ATP8A1: variants seen among roughly 807,000 people sequenced by gnomAD.
ATP8A1 encodes phospholipid-transporting ATPase IA.
A neutral mutation model predicts 177.7 loss-of-function variants in ATP8A1; 90 were observed. That is an observed-to-expected ratio of 0.51 (90% CI 0.43 to 0.60). The LOEUF (loss-of-function observed/expected upper bound fraction) is 0.60, where lower values mean the gene tolerates loss of function less well. ATP8A1 is among the 20% of genes least tolerant of loss of function. The pLI, the probability that ATP8A1 is intolerant of heterozygous loss-of-function variation, is 0.00. For missense variants in ATP8A1, 1,072 were observed against 1,392.8 expected, an observed-to-expected ratio of 0.77 and a Z score of 3.67; for synonymous variants, 493 against 485.9, an observed-to-expected ratio of 1.01 and a Z score of -0.19.
chr4:42,525,177 A>T (rs1234368296), intron 20 of ATP8A1, among the ~76,000 whole-genome samples: 6 of 152,168 alleles, frequency 3.9e-5, no homozygotes. Context: ...ATAGGTATTC[A>T]TAGGTGCTGC....
At chr4:42,621,633 G>C (rs1737471261) in intron 4 of ATP8A1, among the ~76,000 whole-genome samples, 1 of 152,182 alleles carries the variant, frequency 6.6e-6, no homozygotes, top group South Asian at 2.1e-4. Flanking sequence ...TGTAAAAATA[G>C]CCATACAGCT....
intron 30 of ATP8A1, among the ~76,000 whole-genome samples, chr4:42,449,718 T>A (rs1316404197): frequency 6.6e-6 from 1 of 152,176 alleles, no homozygotes; most frequent in East Asian, 1.9e-4. Context: ...TGTTCCCTAG[T>A]CTTGGCTAGT....
chr4:42,555,085 G>GTATCTATCTA (rs1347314877), intron 16 of ATP8A1, among the ~76,000 whole-genome samples: 11 of 119,474 alleles, frequency 9.2e-5, no homozygotes, highest in African/African-American at 2.9e-4. Flanking sequence ...CTTTGTGTGT[G>GTATCTATCTA]TATCTATCTA....
intron 33 of ATP8A1, among the ~76,000 whole-genome samples, chr4:42,433,717 T>C (rs997825272): frequency 2.0e-5 from 3 of 152,182 alleles, no homozygotes; most frequent in Non-Finnish European, 4.4e-5. Context: ...TATGTGCTTC[T>C]TTCCTTTGGA....
chr4:42,569,253 G>A, intron 14 of ATP8A1, 48 bp from the exon 15 acceptor site: 1 of 1,481,916 alleles, frequency 6.7e-7, no homozygotes. Context: ...AATAATCACA[G>A]AAAGGCTGGA....
At chr4:42,644,577 C>G (rs533985359) in intron 1 of ATP8A1, among the ~76,000 whole-genome samples, 6 of 151,984 alleles carry the variant, frequency 3.9e-5, no homozygotes, top group African/African-American at 1.5e-4. Context: ...ACAGCAATCA[C>G]GAATGCTGGA....
intron 30 of ATP8A1, among the ~76,000 whole-genome samples, chr4:42,450,653 T>C (rs1466943555): frequency 1.3e-5 from 2 of 152,160 alleles, no homozygotes; most frequent in Admixed American, 6.5e-5. Context: ...AAAAAGGAGA[T>C]TAAAATCTTA....
intron 1 of ATP8A1, among the ~76,000 whole-genome samples, chr4:42,651,143 C>T (rs1388778907): frequency 6.6e-6 from 1 of 152,082 alleles, no homozygotes; most frequent in Non-Finnish European, 1.5e-5. Context: ...CTGACTTGCT[C>T]CTCCTTGCCT....
chr4:42,551,025 T>C (rs1223655273), intron 18 of ATP8A1, among the ~76,000 whole-genome samples, 173 bp downstream of exon 18: 10 of 152,192 alleles, frequency 6.6e-5, no homozygotes, highest in Non-Finnish European at 2.9e-5. Context: ...CCTTTATTTT[T>C]TGAAAATATG....
At chr4:42,419,320 A>G (rs895636397) in intron 35 of ATP8A1, among the ~76,000 whole-genome samples, 12 of 152,192 alleles carry the variant, frequency 7.9e-5, no homozygotes, top group African/African-American at 2.7e-4. Context: ...TGCAGCTATG[A>G]CTAAGACATG....
At chr4:42,583,351 A>G (rs1440828520) in intron 9 of ATP8A1, among the ~76,000 whole-genome samples, 1 of 152,240 alleles carries the variant, frequency 6.6e-6, no homozygotes, top group Non-Finnish European at 1.5e-5. Context: ...CCTCTGGTAT[A>G]TATCTCAAGA....
chr4:42,605,752 A>G lies in ATP8A1; in HGVS notation c.410-5234T>C, dbSNP rs77657290. On this transcript the variant is annotated intron_variant, in intron 5 of 36. Coordinates refer to ENST00000381668, the MANE Select transcript of ATP8A1 (RefSeq NM_006095.2). ...TGCGAATCTTTGTCTCCAGCCAAAC[A>G]GTGCATTCTCCTCTCCACCCAAATG... 1.4e-3 allele frequency among the ~76,000 whole-genome samples: 207 copies of G among 152,336 alleles called. 5 individuals are homozygous for G. In the East Asian group the frequency reaches 0.039, roughly 29 times the overall value.
rs568011643 is a variant in ATP8A1 at position 42,433,271 on chromosome 4, G to A, written c.3124-9566C>T. Among the ~76,000 whole-genome samples the A allele has an allele frequency of 2.6e-3, 327 of 125,756 alleles. 1 individual carries two copies. In the South Asian group the frequency reaches 0.034, roughly 13 times the overall value. The allele number at this position is 125,756 out of a possible 152,430, so 82.5% of individuals were successfully genotyped here. ...CACTTTTCCAAACAACAGCTTGGGC[G>A]TCCAGCGCTCTCTTCTCTGTTAGTC... On this transcript the variant is annotated intron_variant, in intron 33 of 36. Transcript: ENST00000381668.
At position 42,552,543 on chromosome 4, in the gene ATP8A1, C is replaced by T. The variant is rs373156864; in HGVS notation, c.1481G>A (p.Arg494Gln). 1.5e-5 allele frequency: 24 copies of T among 1,613,126 alleles called. No homozygotes were observed. The highest frequency in any genetic ancestry group is 1.2e-4 in the Admixed American group (7 of 59,816). Residue 494 changes from arginine (R) to glutamine (Q), a missense_variant, in exon 17 of 37, where the codon CGA (arginine) becomes CAA (glutamine). Arg to Gln is a conservative substitution (Grantham distance 43). Around this residue, in one of 5 missense-constraint regions of ATP8A1, gnomAD observed 388 missense variants for 471.7 expected, o/e 0.82. Coordinates refer to ENST00000381668, the MANE Select transcript of ATP8A1 (RefSeq NM_006095.2). Reference sequence around the variant, plus strand: ...TTGATAAATAATCTTGTCACCTTCTCGCTCTGGCACTGCTGTGTGACAGAC... The same window carrying T: ...TTGATAAATAATCTTGTCACCTTCTTGCTCTGGCACTGCTGTGTGACAGAC... ...MAVCHTAVPE[R>Q]EGDKIIYQAA... is the part of the protein sequence containing the mutation.
At chr4:42,554,917 C>T (rs1392802578) in intron 16 of ATP8A1, among the ~76,000 whole-genome samples, 1 of 152,112 alleles carries the variant, frequency 6.6e-6, no homozygotes, top group East Asian at 1.9e-4. Context: ...ACTGGCTTAG[C>T]CTCCCAGCCT....
chr4:42,542,545 C>T (rs1272455815), intron 20 of ATP8A1, among the ~76,000 whole-genome samples: 1 of 152,096 alleles, frequency 6.6e-6, no homozygotes, highest in African/African-American at 2.4e-5. Context: ...CTGCTCCCAT[C>T]AACTCATCAT....
intron 30 of ATP8A1, among the ~76,000 whole-genome samples, chr4:42,448,167 A>G (rs1237690116): frequency 6.6e-6 from 1 of 152,194 alleles, no homozygotes; most frequent in East Asian, 1.9e-4. Flanking sequence ...AAACAAAAAA[A>G]TAAGTGAGAA....
chr4:42,525,449 T>C (rs1424301621), intron 20 of ATP8A1, among the ~76,000 whole-genome samples: 2 of 152,206 alleles, frequency 1.3e-5, no homozygotes, highest in Non-Finnish European at 2.9e-5. Context: ...CAGTGGGTAT[T>C]GTGGGAGAAC....
chr4:42,453,151 T>C (rs1718113352), intron 29 of ATP8A1, among the ~76,000 whole-genome samples: 1 of 152,218 alleles, frequency 6.6e-6, no homozygotes, highest in Non-Finnish European at 1.5e-5. Flanking sequence ...TGATACTTAT[T>C]GTCACATGCT....
Sources: allele counts gnomAD v4.1 joint callset (sites outside exome capture counted in the v4.1 genomes callset), GRCh38; gene constraint gnomAD v4.1.1; regional missense constraint gnomAD v4.1.1; transcripts MANE v1.5; gene names NCBI Gene and HGNC (gene_info 2026-07-23, HGNC 2026-07-21).